Variants in EXOC7 observed in about 807,000 individuals in gnomAD.
The protein encoded by EXOC7 is exocyst complex component 7.
In EXOC7, 51 loss-of-function variants were observed where a neutral mutation model predicts 87.6. The ratio of observed to expected loss-of-function variants is 0.58; its 90% CI spans 0.46 to 0.73. EXOC7 has a LOEUF of 0.73. EXOC7 is among the 30% of genes least tolerant of loss of function. The probability of loss-of-function intolerance (pLI) is 0.00; values close to 1 mark genes in which losing one functional copy is unlikely to be tolerated. For missense variants in EXOC7, 744 were observed against 888.4 expected (o/e 0.84, Z 2.07); for synonymous variants, 327 against 357.1 (o/e 0.92, Z 0.95).
intron 6 of EXOC7, chr17:76,091,628 C>T: frequency 5.6e-6 from 1 of 179,972 alleles, no homozygotes; most frequent in Non-Finnish European, 1.2e-5. Flanking sequence ...GGTGGGAGAG[C>T]CTGGGGGGCA....
At chr17:76,093,741 C>T (rs1456373242) in intron 6 of EXOC7, 2 of 152,360 alleles carry the variant, frequency 1.3e-5, no homozygotes, top group East Asian at 3.8e-4. Flanking sequence ...GGCAGAGACA[C>T]TGTTTACCTG....
At chr17:76,102,725 G>C (rs1482821668) in intron 2 of EXOC7, among the ~76,000 whole-genome samples, 1 of 152,114 alleles carries the variant, frequency 6.6e-6, no homozygotes, top group East Asian at 1.9e-4. Flanking sequence ...TCTCCCCTAG[G>C]AATAAAGAAG....
Position 76,101,329 on chromosome 17 carries a change from T to C in EXOC7, c.359A>G (p.Gln120Arg), listed in dbSNP as rs373644212. ...GTCCTGGAAATACTCCACTGCCTTCTGAATCTTGGCCATGCTTCCCAGGTA... is the reference window on the plus strand; with the variant it reads ...GTCCTGGAAATACTCCACTGCCTTCCGAATCTTGGCCATGCTTCCCAGGTA... ...EEYLGSMAKI[Q>R]KAVEYFQDNS... is the part of the protein sequence containing the mutation. The change falls in exon 4 of 19, where the codon CAG (glutamine) becomes CGG (arginine). Residue 120 changes from glutamine to arginine, a missense_variant. Gln to Arg is a conservative substitution (Grantham distance 43). Transcript: ENST00000589210. 1.7e-5 allele frequency: 28 copies of C among 1,613,984 alleles called. No individual in the cohort carries two copies. The Admixed American group carries it at 2.2e-4, about 12-fold the overall frequency.
chr17:76,088,399 C>G, intron 10 of EXOC7, 65 bp downstream of exon 10: 1 of 1,506,960 alleles, frequency 6.6e-7, no homozygotes, highest in Non-Finnish European at 9.1e-7. Flanking sequence ...TCTGAGAGTC[C>G]CCCAGGGCCA....
At chr17:76,090,518 G>A (rs1013221021) in intron 7 of EXOC7, 4 of 1,543,412 alleles carry the variant, frequency 2.6e-6, no homozygotes, top group Non-Finnish European at 3.5e-6. Context: ...ATGGGGATGG[G>A]GAAGGGGGCA....
At chr17:76,094,606 G>A (rs1339054058) in intron 5 of EXOC7, 25 bp from the exon 6 acceptor site, 1 of 1,599,026 alleles carries the variant, frequency 6.3e-7, no homozygotes, top group Non-Finnish European at 8.5e-7. Context: ...AGGGATAGAG[G>A]TACGGCTGCC....
chr17:76,103,696 T>C lies in EXOC7; in HGVS notation c.-4A>G. On this transcript the variant is annotated 5_prime_UTR_variant, in exon 1 of 19. Transcript: ENST00000589210. ...ATGCCTCCTGTGGGGGAATCATCGC[T>C]CTGAACCCCGCGGCTCCCACTCCCC... 3.1e-6 allele frequency: 5 copies of C among 1,607,622 alleles called. No individual in the cohort carries two copies. Among genetic ancestry groups the C allele is most frequent in the Non-Finnish European group, 4.2e-6 (5 of 1,177,310 alleles).
intron 15 of EXOC7, 64 bp from the exon 16 acceptor site, chr17:76,084,644 C>T (rs745336867): frequency 5.4e-6 from 8 of 1,473,486 alleles, no homozygotes; most frequent in Admixed American, 3.6e-5. Context: ...TGGCTTGTTT[C>T]GTTTGCTAAA....
Position 76,081,621 on chromosome 17 carries a change from T to C in EXOC7, c.*2027A>G. On this transcript the variant is annotated 3_prime_UTR_variant, in exon 19 of 19. Transcript: ENST00000589210. ...GCAGAGGCACTGCTGTTGGCTGACG[T>C]GTGCGGGGGGTTGCTGCCCCTCCGG... 6.2e-7 allele frequency: 1 copy of C among 1,614,050 alleles called. No individual in the cohort carries two copies. Among genetic ancestry groups the C allele is most frequent in the Non-Finnish European group, 8.5e-7 (1 of 1,180,038 alleles).
Position 76,083,351 on chromosome 17 carries a change from A to G in EXOC7, c.*297T>C. On this transcript the variant is annotated 3_prime_UTR_variant, in exon 19 of 19. Coordinates refer to ENST00000589210, the MANE Select transcript of EXOC7 (RefSeq NM_001013839.4). Reference sequence around the variant, plus strand: ...TGGTACACATGGAGCAGCAGTGGGCACAGGCCTCTGTCTTCCTTCTCTCTT... The same window carrying G: ...TGGTACACATGGAGCAGCAGTGGGCGCAGGCCTCTGTCTTCCTTCTCTCTT... 5.1e-6 allele frequency: 2 copies of G among 391,658 alleles called. No homozygotes were observed. The highest frequency in any genetic ancestry group is 9.6e-6 in the Non-Finnish European group (2 of 207,880). The allele number at this position is 391,658 out of a possible 1,614,324, so 24.3% of individuals were successfully genotyped here.
chr17:76,089,333 A>C lies in EXOC7; in HGVS notation c.902-13T>G. 6.2e-7 allele frequency: 1 copy of C among 1,613,424 alleles called. No homozygotes were observed. The highest frequency in any genetic ancestry group is 1.7e-4 in the Middle Eastern group (1 of 6,048). On this transcript the variant is annotated splice_polypyrimidine_tract_variant and intron_variant, in intron 7 of 18. Coordinates refer to ENST00000589210, the MANE Select transcript of EXOC7 (RefSeq NM_001013839.4). ...ATGTCATCTCTCCCTGGGGGATGGC[A>C]CAACTCTTGAGCTGCTGGTCTGGGG...
At position 76,098,021 on chromosome 17, in the gene EXOC7, GCA is replaced by G. The variant is rs752026363; in HGVS notation, c.418-5_418-4del. Reference sequence around the variant, plus strand: ...TTCCCGCGCTCAAAGAGCAGTTTCTGCACAGACAACAGAAGGAAGCAGGTGCC... The same window carrying G: ...TTCCCGCGCTCAAAGAGCAGTTTCTGCAGACAACAGAAGGAAGCAGGTGCC... On this transcript the variant is annotated splice_region_variant and splice_polypyrimidine_tract_variant and intron_variant, in intron 4 of 18. Transcript: ENST00000589210. The G allele has an allele frequency of 1.9e-6, 3 of 1,613,760 alleles. No homozygotes were observed. Among genetic ancestry groups the G allele is most frequent in the Non-Finnish European group, 2.5e-6 (3 of 1,179,806 alleles).
intron 2 of EXOC7, among the ~76,000 whole-genome samples, chr17:76,102,769 G>C (rs1394762583): frequency 1.9e-4 from 29 of 152,142 alleles, no homozygotes; most frequent in Admixed American, 1.9e-3. Flanking sequence ...TTGTATACCA[G>C]GCACTGTGCA....
intron 15 of EXOC7, 33 bp from the exon 16 acceptor site, chr17:76,084,613 G>A (rs1466487826): frequency 6.2e-7 from 1 of 1,600,238 alleles, no homozygotes. Context: ...TGAGGGCAGA[G>A]GGTGGCCTGC....
chr17:76,102,480 G>C (rs2068118180), intron 2 of EXOC7, among the ~76,000 whole-genome samples: 1 of 151,474 alleles, frequency 6.6e-6, no homozygotes, highest in African/African-American at 2.4e-5. Flanking sequence ...GGTGGTGTGT[G>C]CCTACAGTCC....
At chr17:76,095,332 G>C (rs546350056) in intron 5 of EXOC7, among the ~76,000 whole-genome samples, 2 of 147,328 alleles carry the variant, frequency 1.4e-5, no homozygotes, top group South Asian at 2.1e-4. Flanking sequence ...ACAATGGCAC[G>C]ATCTTGGCTC....
intron 15 of EXOC7, among the ~76,000 whole-genome samples, chr17:76,084,898 AG>A (rs2067142251): frequency 6.6e-6 from 1 of 152,246 alleles, no homozygotes; most frequent in South Asian, 2.1e-4. Context: ...ATAAATGAGA[AG>A]GAAGAGGTAG....
At chr17:76,092,174 A>G (rs903363370) in intron 6 of EXOC7, 4 of 152,212 alleles carry the variant, frequency 2.6e-5, no homozygotes, top group Non-Finnish European at 5.9e-5. Flanking sequence ...ATCTGAGCAC[A>G]GTGAGGCTGC....
rs990272422 is a variant in EXOC7, at chr17:76,086,925, A to T, written c.1429+729T>A. 46 of 1,543,708 alleles carry T rather than the reference A, an allele frequency of 3.0e-5. No homozygotes were observed. In the African/African-American group the frequency reaches 6.3e-4, roughly 21 times the overall value. On this transcript the variant is annotated intron_variant, in intron 12 of 18. Transcript: ENST00000589210. Reference sequence around the variant, plus strand: ...GTGAAAGGCAGTGCACACAGAGGGGACAGAGGGAGAGACAAAGGAGGGAGA... The same window carrying T: ...GTGAAAGGCAGTGCACACAGAGGGGTCAGAGGGAGAGACAAAGGAGGGAGA...
Sources: gnomAD v4.1 joint callset for allele counts (sites outside exome capture counted in the v4.1 genomes callset) on GRCh38, gnomAD v4.1.1 for gene constraint, MANE v1.5 for transcripts, NCBI Gene and HGNC (gene_info 2026-07-23, HGNC 2026-07-21) for gene names.